The following CNTNAP3B variants were observed in gnomAD, a reference collection of about 807,000 sequenced individuals.
CNTNAP3B encodes contactin-associated protein-like 3B.
CNTNAP3B carries 25 observed loss-of-function variants against 108.9 expected under a neutral mutation model. The ratio of observed to expected loss-of-function variants is 0.23; its 90% CI spans 0.17 to 0.32. The LOEUF (loss-of-function observed/expected upper bound fraction) is 0.32, where lower values mean the gene tolerates loss of function less well. Ranked by LOEUF, CNTNAP3B falls within the 10% of genes least tolerant of loss-of-function variation. The pLI, the probability that CNTNAP3B is intolerant of heterozygous loss-of-function variation, is 1.00. For synonymous variants in CNTNAP3B, 103 were observed against 473.4 expected (o/e 0.22, Z 10.16); for missense variants, 252 against 1,210.4 (o/e 0.21, Z 11.75).
At chr9:42,104,410 C>A (rs1346304862) in intron 2 of CNTNAP3B, among the ~76,000 whole-genome samples, 4 of 103,428 alleles carry the variant, frequency 3.9e-5, no homozygotes, top group African/African-American at 1.1e-4. Context: ...TTGTTCAAGG[C>A]ACACAAAGAT....
At chr9:41,951,933 C>T (rs1178188723) in intron 13 of CNTNAP3B, among the ~76,000 whole-genome samples, 2 of 152,218 alleles carry the variant, frequency 1.3e-5, no homozygotes, top group African/African-American at 2.4e-5. Context: ...AAAAATTAGC[C>T]GGGCGTGGCG....
intron 13 of CNTNAP3B, among the ~76,000 whole-genome samples, chr9:41,940,739 C>A (rs1162186037): frequency 6.6e-6 from 1 of 152,068 alleles, no homozygotes; most frequent in Non-Finnish European, 1.5e-5. Flanking sequence ...GGCGTGAACC[C>A]GGGAGGCGGA....
At chr9:41,925,594 A>AAAACAAAC (rs774665244) in intron 15 of CNTNAP3B, among the ~76,000 whole-genome samples, 3 of 151,376 alleles carry the variant, frequency 2.0e-5, no homozygotes, top group Non-Finnish European at 4.4e-5. Flanking sequence ...CTCCATCTCA[A>AAAACAAAC]AAACAAACAA....
At chr9:41,919,344 G>C (rs1047377328) in intron 18 of CNTNAP3B, among the ~76,000 whole-genome samples, 6 of 152,102 alleles carry the variant, frequency 3.9e-5, no homozygotes, top group Admixed American at 3.9e-4. Flanking sequence ...TTGAATTCCT[G>C]ACCTCGTGAT....
intron 14 of CNTNAP3B, among the ~76,000 whole-genome samples, chr9:41,931,226 G>C (rs1212169653): frequency 2.0e-5 from 3 of 152,252 alleles, no homozygotes; most frequent in Non-Finnish European, 4.4e-5. Flanking sequence ...ATATACTGGG[G>C]GCACATGTGC....
Position 42,128,037 on chromosome 9 carries a change from G to T in CNTNAP3B, c.85+973C>A, listed in dbSNP as rs567168165. The stretch of plus-strand genomic sequence containing the variant: ...AGGCTGACAGCAGGGAGATGCCACT[G>T]AAAGAAAAATAAAAGTGATTTGAGA... On this transcript the variant is annotated intron_variant, in intron 1 of 23. Coordinates refer to ENST00000377561, the MANE Select transcript of CNTNAP3B (RefSeq NM_001201380.3). 5.3e-4 allele frequency among the ~76,000 whole-genome samples: 73 copies of T among 138,588 alleles called. 13 individuals are homozygous for T. Among genetic ancestry groups the T allele is most frequent in the African/African-American group, 2.1e-3 (73 of 34,870 alleles). 90.9% of individuals were successfully genotyped at this position (138,588 alleles called of 152,430 possible). A position where few individuals can be genotyped will look rare whatever the true frequency, so the allele number is the denominator to read the frequency against.
intron 14 of CNTNAP3B, among the ~76,000 whole-genome samples, chr9:41,932,795 G>A (rs1352218593): frequency 5.9e-5 from 9 of 152,250 alleles, no homozygotes; most frequent in African/African-American, 1.7e-4. Flanking sequence ...TGGGATAACA[G>A]GTGTGAGCCA....
At chr9:41,961,752 A>G (rs1163718059) in intron 11 of CNTNAP3B, among the ~76,000 whole-genome samples, 1 of 152,306 alleles carries the variant, frequency 6.6e-6, no homozygotes, top group African/African-American at 2.4e-5. Flanking sequence ...CTGAAATTCA[A>G]AACAGGAGAG....
chr9:41,986,095 GA>G (rs1825698042), intron 9 of CNTNAP3B, 72 bp downstream of exon 9: 1 of 922,860 alleles, frequency 1.1e-6, no homozygotes, highest in Non-Finnish European at 1.5e-6. Flanking sequence ...AATTTGACTA[GA>G]GACTCAAAAT....
intron 15 of CNTNAP3B, among the ~76,000 whole-genome samples, chr9:41,928,300 A>G (rs1823874954): frequency 2.6e-5 from 4 of 151,132 alleles, no homozygotes; most frequent in African/African-American, 7.3e-5. Flanking sequence ...CTTATCTCCA[A>G]ATTTCACAGG....
At chr9:41,964,371 C>A (rs1825199544) in intron 11 of CNTNAP3B, among the ~76,000 whole-genome samples, 167 bp downstream of exon 11, 2 of 152,370 alleles carry the variant, frequency 1.3e-5, no homozygotes, top group African/African-American at 4.8e-5. Context: ...TGTCTCAACA[C>A]CCTTGTATTA....
intron 13 of CNTNAP3B, among the ~76,000 whole-genome samples, chr9:41,950,262 G>A (rs1235025212): frequency 1.5e-5 from 1 of 66,576 alleles, no homozygotes; most frequent in African/African-American, 5.5e-5. Flanking sequence ...ATGAGCATGT[G>A]GAGGAAATGA....
intron 8 of CNTNAP3B, among the ~76,000 whole-genome samples, chr9:41,990,683 C>T: frequency 7.4e-6 from 1 of 134,330 alleles, no homozygotes; most frequent in African/African-American, 2.9e-5. Flanking sequence ...TTTTTAAAGC[C>T]CCCATTTAGT....
intron 18 of CNTNAP3B, among the ~76,000 whole-genome samples, chr9:41,919,403 C>T (rs1414408368): frequency 1.3e-5 from 2 of 151,550 alleles, no homozygotes; most frequent in Non-Finnish European, 2.9e-5. Flanking sequence ...CATAAGCCAC[C>T]ACGCCCAGCC....
intron 10 of CNTNAP3B, among the ~76,000 whole-genome samples, chr9:41,966,566 C>A (rs1195968339): frequency 2.0e-5 from 3 of 152,222 alleles, no homozygotes; most frequent in Non-Finnish European, 4.4e-5. Context: ...GCTCAGGGAG[C>A]CCCAGTTGGA....
intron 1 of CNTNAP3B, among the ~76,000 whole-genome samples, chr9:42,127,876 G>A (rs1232016944): frequency 7.2e-6 from 1 of 138,988 alleles, no homozygotes; most frequent in African/African-American, 2.9e-5. Flanking sequence ...ACTGAGCTAC[G>A]GCAAACTTTT....
In CNTNAP3B at chr9:41,990,378, G is replaced by T. The variant is rs1433962090; in HGVS notation, c.1333+1232C>A. 3.1e-5 allele frequency among the ~76,000 whole-genome samples: 4 copies of T among 127,750 alleles called. 2 individuals carry two copies. The highest frequency in any genetic ancestry group is 1.3e-4 in the African/African-American group (4 of 31,328). 83.8% of individuals were successfully genotyped at this position (127,750 alleles called of 152,430 possible). A position where few individuals can be genotyped will look rare whatever the true frequency, so the allele number is the denominator to read the frequency against. ...CATTTCTAAAAGATAAAAAATATAC[G>T]TCTCCTCTGAATATCTGTTTTATCT... On this transcript the variant is annotated intron_variant, in intron 8 of 23. Coordinates refer to ENST00000377561, the MANE Select transcript of CNTNAP3B (RefSeq NM_001201380.3).
chr9:42,057,468 G>A (rs1213696724), intron 3 of CNTNAP3B, among the ~76,000 whole-genome samples: 1 of 121,602 alleles, frequency 8.2e-6, no homozygotes, highest in African/African-American at 3.3e-5. Context: ...GCCTCTCAAA[G>A]TGCTGGAATT....
chr9:41,932,501 T>C (rs1450152789), intron 14 of CNTNAP3B, among the ~76,000 whole-genome samples: 2 of 149,984 alleles, frequency 1.3e-5, no homozygotes, highest in East Asian at 3.9e-4. Context: ...TTGAGTCAAC[T>C]TTTTAACTTT....
Sources: allele counts gnomAD v4.1 joint callset (sites outside exome capture counted in the v4.1 genomes callset), GRCh38; gene constraint gnomAD v4.1.1; transcripts MANE v1.5; gene names NCBI Gene and HGNC (gene_info 2026-07-23, HGNC 2026-07-21).